Variants in SLC51B observed in about 807,000 individuals in gnomAD.
SLC51B encodes the protein organic solute transporter subunit beta.
A neutral mutation model predicts 8.0 loss-of-function variants in SLC51B; 6 were observed. The ratio of observed to expected loss-of-function variants is 0.75; its 90% CI spans 0.41 to 1.48. The LOEUF (loss-of-function observed/expected upper bound fraction) is 1.48, where lower values mean the gene tolerates loss of function less well. SLC51B is among the 40% of genes most tolerant of loss of function. The pLI is 0.01. For missense variants in SLC51B, 150 were observed against 149.7 expected (o/e 1.00, Z -0.01); for synonymous variants, 61 against 54.8 (o/e 1.11, Z -0.50).
intron 3 of SLC51B, 37 bp from the exon 4 acceptor site, chr15:65,052,929 C>CGGG: frequency 6.3e-7 from 1 of 1,599,012 alleles, no homozygotes; most frequent in Non-Finnish European, 8.5e-7. Flanking sequence ...CCCAACCACT[C>CGGG]AGCCCCCCTC....
intron 1 of SLC51B, 23 bp from the exon 2 acceptor site, chr15:65,049,873 TC>T: frequency 3.4e-6 from 2 of 582,434 alleles, no homozygotes; most frequent in Non-Finnish European, 5.9e-6. Flanking sequence ...GGATATCCAG[TC>T]ATGCTGTCTG....
chr15:65,047,601 G>A (rs1030897785), intron 1 of SLC51B, among the ~76,000 whole-genome samples: 2 of 152,256 alleles, frequency 1.3e-5, no homozygotes, highest in Admixed American at 1.3e-4. Flanking sequence ...TGTGGCTGAT[G>A]TTACTAATCA....
chr15:65,050,833 CTTCTTTTT>C (rs1455925821), intron 2 of SLC51B, among the ~76,000 whole-genome samples: 1 of 88,600 alleles, frequency 1.1e-5, no homozygotes, highest in East Asian at 3.9e-4. Flanking sequence ...TCTTCTTCTT[CTTCTTTTT>C]TTTTTTTTTT....
At chr15:65,048,699 C>T (rs1482777974) in intron 1 of SLC51B, among the ~76,000 whole-genome samples, 10 of 152,132 alleles carry the variant, frequency 6.6e-5, no homozygotes, top group South Asian at 4.1e-4. Flanking sequence ...GTGTTTAATG[C>T]GTGTCCTTTT....
In SLC51B at chr15:65,053,245, G is replaced by C. The variant is rs2086679391; in HGVS notation, c.*81G>C. The C allele has an allele frequency of 6.5e-7, 1 of 1,533,200 alleles. No homozygotes were observed. Among genetic ancestry groups the C allele is most frequent in the East Asian group, 2.3e-5 (1 of 43,582 alleles). 95.0% of individuals were successfully genotyped at this position (1,533,200 alleles called of 1,614,324 possible). On this transcript the variant is annotated 3_prime_UTR_variant, in exon 4 of 4. Transcript: ENST00000334287. ...GTGGCCTGAAACCTCTCAGGTTTTA[G>C]AGTCTCTCCCAAGAAGCCGCTTTTT... is the stretch of plus-strand genomic sequence containing the variant.
rs115724489 is a variant in SLC51B at position 65,048,546 on chromosome 15, G to A, written c.-108-1351G>A. 4.6e-3 allele frequency among the ~76,000 whole-genome samples: 695 copies of A among 152,262 alleles called. 5 individuals carry two copies. The highest frequency in any genetic ancestry group is 0.016 in the African/African-American group (664 of 41,552). On this transcript the variant is annotated intron_variant, in intron 1 of 3. Coordinates refer to ENST00000334287, the MANE Select transcript of SLC51B (RefSeq NM_178859.4). ...GTGTGAGGGGACCTGAGAATGCTTC[G>A]ATCCTCCCTGTACACTTTTTTTCTT...
At chr15:65,046,520 TGAG>T (rs534365764) in intron 1 of SLC51B, among the ~76,000 whole-genome samples, 48 of 152,336 alleles carry the variant, frequency 3.2e-4, no homozygotes, top group African/African-American at 1.2e-3. Context: ...CTAACATAGC[TGAG>T]GAGGGCTGAC....
In SLC51B at chr15:65,049,953, T is replaced by C. The variant is rs944453304; in HGVS notation, c.-52T>C. On this transcript the variant is annotated 5_prime_UTR_variant, in exon 2 of 4. Coordinates refer to ENST00000334287, the MANE Select transcript of SLC51B (RefSeq NM_178859.4). ...GAACCGAGGAGGCCAGGAGGGCTGC[T>C]GGGGCTAAGGGGTCTAAGGACCTCG... 2.1e-6 allele frequency: 3 copies of C among 1,447,588 alleles called. No individual in the cohort carries two copies. The East Asian group carries it at 7.7e-5, about 37-fold the overall frequency. 89.7% of individuals were successfully genotyped at this position (1,447,588 alleles called of 1,614,324 possible). A position where few individuals can be genotyped will look rare whatever the true frequency, so the allele number is the denominator to read the frequency against.
In SLC51B at chr15:65,052,908, C is replaced by A; in HGVS notation, c.189-58C>A. The A allele has an allele frequency of 5.8e-6, 9 of 1,558,690 alleles. No individual in the cohort carries two copies. In the South Asian group the frequency reaches 1.0e-4, roughly 18 times the overall value. ...TAGACTCTTTAAGCCATTTGGGCGA[C>A]CCAGTCCTGCCCCAACCACTCAGCC... is the stretch of plus-strand genomic sequence containing the variant. On this transcript the variant is annotated intron_variant, in intron 3 of 3. Coordinates refer to ENST00000334287, the MANE Select transcript of SLC51B (RefSeq NM_178859.4).
At chr15:65,049,180 TCTGA>T (rs1303173126) in intron 1 of SLC51B, 3 of 151,934 alleles carry the variant, frequency 2.0e-5, no homozygotes, top group Admixed American at 1.3e-4. Flanking sequence ...CGTCAAAATG[TCTGA>T]CTGTTTTGAG....
rs1452093212 is a variant in SLC51B, at chr15:65,048,779, CG to C, written c.-108-1115del. Among the ~76,000 whole-genome samples, 4 of 152,220 alleles carry C rather than the reference CG, an allele frequency of 2.6e-5. No individual in the cohort carries two copies. The East Asian group carries it at 7.7e-4, about 29-fold the overall frequency. ...ATCCCAGTACTTTGGGAGGCCAAGG[CG>C]GGTGGATCACCTGAGGTCAAGAGTT... On this transcript the variant is annotated intron_variant, in intron 1 of 3. Transcript: ENST00000334287.
chr15:65,050,752 T>C (rs144293924), intron 2 of SLC51B, among the ~76,000 whole-genome samples: 2 of 152,148 alleles, frequency 1.3e-5, no homozygotes, highest in Non-Finnish European at 2.9e-5. Flanking sequence ...AGTCACTTCA[T>C]GTATTATCTG....
At chr15:65,047,389 C>T (rs2086589870) in intron 1 of SLC51B, among the ~76,000 whole-genome samples, 1 of 151,500 alleles carries the variant, frequency 6.6e-6, no homozygotes, top group African/African-American at 2.4e-5. Context: ...GAAATATATA[C>T]ACACATTAAA....
At position 65,051,198 on chromosome 15, in the gene SLC51B, T is replaced by C. The variant is rs187394010; in HGVS notation, c.98-317T>C. On this transcript the variant is annotated intron_variant, in intron 2 of 3. Transcript: ENST00000334287. ...CAGCCCAGGCTGGCAAAACTGAAGATTGTGAAGTTTATCTTGGCCCACCTG... is the reference window on the plus strand; with the variant it reads ...CAGCCCAGGCTGGCAAAACTGAAGACTGTGAAGTTTATCTTGGCCCACCTG... Among the ~76,000 whole-genome samples the C allele has an allele frequency of 3.3e-5, 5 of 152,228 alleles. No individual in the cohort carries two copies. The East Asian group carries it at 9.7e-4, about 29-fold the overall frequency.
At position 65,050,121 on chromosome 15, in the gene SLC51B, CG is replaced by C; in HGVS notation, c.97+22del. The stretch of plus-strand genomic sequence containing the variant: ...AAGATGGTAAGTGGTGAGAGATTGA[CG>C]GCAGGGGTGGGGGTGTGCCCCTCAA... On this transcript the variant is annotated intron_variant, in intron 2 of 3. Coordinates refer to ENST00000334287, the MANE Select transcript of SLC51B (RefSeq NM_178859.4). 6.5e-7 allele frequency: 1 copy of C among 1,543,828 alleles called. No individual in the cohort carries two copies. Among genetic ancestry groups the C allele is most frequent in the Non-Finnish European group, 8.8e-7 (1 of 1,140,402 alleles).
rs548621007 is a variant in SLC51B, at chr15:65,051,701, T to C, written c.188+96T>C. 23 of 1,096,702 alleles carry C rather than the reference T, an allele frequency of 2.1e-5. No homozygotes were observed. The African/African-American group carries it at 2.8e-4, about 13-fold the overall frequency. 67.9% of individuals were successfully genotyped at this position (1,096,702 alleles called of 1,614,324 possible). ...CTAGAGAGGGGTCACTTAGGGGTCA[T>C]TGCTGTCCACCCTTTGGGACAGCAA... On this transcript the variant is annotated intron_variant, in intron 3 of 3. Transcript: ENST00000334287.
At chr15:65,049,851 C>G (rs2086626036) in intron 1 of SLC51B, 46 bp from the exon 2 acceptor site, 1 of 510,872 alleles carries the variant, frequency 2.0e-6, no homozygotes, top group Non-Finnish European at 3.4e-6. Flanking sequence ...AGAGGGAGAT[C>G]AAACTCGGGT....
At chr15:65,049,555 C>G (rs1477547774) in intron 1 of SLC51B, 2 of 153,006 alleles carry the variant, frequency 1.3e-5, no homozygotes, top group African/African-American at 4.8e-5. Context: ...GGACAAGTTG[C>G]TATGGCAACG....
Position 65,053,248 on chromosome 15 carries a change from T to A in SLC51B, c.*84T>A. 1 of 1,526,948 alleles carries A rather than the reference T, an allele frequency of 6.5e-7. No homozygotes were observed. The highest frequency in any genetic ancestry group is 8.7e-7 in the Non-Finnish European group (1 of 1,143,114). The allele number at this position is 1,526,948 out of a possible 1,614,324, so 94.6% of individuals were successfully genotyped here. On this transcript the variant is annotated 3_prime_UTR_variant, in exon 4 of 4. Coordinates refer to ENST00000334287, the MANE Select transcript of SLC51B (RefSeq NM_178859.4). ...GCCTGAAACCTCTCAGGTTTTAGAG[T>A]CTCTCCCAAGAAGCCGCTTTTTTCT...
Sources: allele counts gnomAD v4.1 joint callset (sites outside exome capture counted in the v4.1 genomes callset), GRCh38; gene constraint gnomAD v4.1.1; transcripts MANE v1.5; gene names NCBI Gene and HGNC (gene_info 2026-07-23, HGNC 2026-07-21).